Variants in QTMAN observed in about 807,000 individuals in gnomAD.
QTMAN encodes tRNA-queuosine alpha-mannosyltransferase.
chr2:144,115,830 A>G, the QTMAN span, among the ~76,000 whole-genome samples: 1 of 152,208 alleles, frequency 6.6e-6, no homozygotes, highest in African/African-American at 2.4e-5. Flanking sequence ...AAAGTTGAGC[A>G]AAAGTTTAAT....
the QTMAN span, among the ~76,000 whole-genome samples, chr2:144,079,572 A>G: frequency 6.6e-6 from 1 of 152,042 alleles, no homozygotes; most frequent in South Asian, 2.1e-4. Context: ...TTATAATGAG[A>G]ATGTTTACAC....
the QTMAN span, among the ~76,000 whole-genome samples, chr2:143,987,859 T>C: frequency 7.2e-5 from 11 of 152,330 alleles, no homozygotes; most frequent in East Asian, 2.1e-3. Context: ...TTCTCAACAC[T>C]CTTCCTAACC....
the QTMAN span, among the ~76,000 whole-genome samples, chr2:144,068,549 T>C: frequency 6.6e-6 from 1 of 152,248 alleles, no homozygotes; most frequent in African/African-American, 2.4e-5. Flanking sequence ...GTAGTCCAAT[T>C]AATATGCAAA....
the QTMAN span, among the ~76,000 whole-genome samples, chr2:144,259,002 T>C: frequency 3.9e-5 from 6 of 152,204 alleles, no homozygotes; most frequent in East Asian, 1.9e-4. Context: ...TTAGGGAGAA[T>C]TGTTCCTACA....
At chr2:144,203,570 C>T in the QTMAN span, among the ~76,000 whole-genome samples, 1 of 152,104 alleles carries the variant, frequency 6.6e-6, no homozygotes, top group South Asian at 2.1e-4. Flanking sequence ...GATACAAAGA[C>T]CTCAAAAGAG....
At chr2:144,079,790 A>C in the QTMAN span, among the ~76,000 whole-genome samples, 5 of 152,168 alleles carry the variant, frequency 3.3e-5, no homozygotes, top group Non-Finnish European at 7.4e-5. Context: ...ACTATGGTCA[A>C]GATAATTGCA....
the QTMAN span, among the ~76,000 whole-genome samples, chr2:144,306,187 T>G: frequency 6.6e-6 from 1 of 152,354 alleles, no homozygotes; most frequent in African/African-American, 2.4e-5. Flanking sequence ...ATTTCCTTTT[T>G]ATTCTTAGAG....
chr2:144,214,354 T>C, the QTMAN span, among the ~76,000 whole-genome samples: 1 of 152,194 alleles, frequency 6.6e-6, no homozygotes, highest in Admixed American at 6.5e-5. Context: ...TATAATCTGG[T>C]ATCAAATGCA....
the QTMAN span, among the ~76,000 whole-genome samples, chr2:144,138,113 A>C: frequency 9.7e-4 from 147 of 152,140 alleles, 1 homozygote; most frequent in Non-Finnish European, 1.5e-3. Context: ...ATGATGAGGA[A>C]CCCAGCAAAG....
the QTMAN span, among the ~76,000 whole-genome samples, chr2:144,217,362 A>C: frequency 1.3e-5 from 2 of 148,606 alleles, no homozygotes; most frequent in Admixed American, 6.6e-5. Context: ...AATATAAGTT[A>C]AAAAAAACCC....
At chr2:144,172,868 T>C in the QTMAN span, among the ~76,000 whole-genome samples, 5 of 152,076 alleles carry the variant, frequency 3.3e-5, no homozygotes, top group South Asian at 6.2e-4. Context: ...ACAGAATTAA[T>C]GAAGGTAGTG....
At chr2:144,328,592 A>G in the QTMAN span, among the ~76,000 whole-genome samples, 350 of 152,274 alleles carry the variant, frequency 2.3e-3, 3 homozygotes, top group Non-Finnish European at 1.7e-3. Flanking sequence ...TGTAGGTGAC[A>G]GAGGTCTTAA....
At chr2:144,255,449 T>C in the QTMAN span, among the ~76,000 whole-genome samples, 1 of 152,214 alleles carries the variant, frequency 6.6e-6, no homozygotes. Context: ...ATGGTTGTTT[T>C]CCTGACGCCT....
At chr2:144,002,436 T>C in the QTMAN span, among the ~76,000 whole-genome samples, 7,978 of 152,004 alleles carry the variant, frequency 0.052, 342 homozygotes, top group African/African-American at 0.12. Flanking sequence ...ATGAACCATG[T>C]GAACTTGTCA....
At chr2:144,108,697 A>G in the QTMAN span, among the ~76,000 whole-genome samples, 1 of 147,308 alleles carries the variant, frequency 6.8e-6, no homozygotes, top group Non-Finnish European at 1.5e-5. Flanking sequence ...TTAAGCTGAT[A>G]AGCAACTTCA....
At chr2:143,948,938 A>T in the QTMAN span, among the ~76,000 whole-genome samples, 1 of 152,218 alleles carries the variant, frequency 6.6e-6, no homozygotes, top group African/African-American at 2.4e-5. Context: ...GAAAAAGTAC[A>T]TGTCTCGACA....
At chr2:144,036,330 T>C in the QTMAN span, among the ~76,000 whole-genome samples, 2 of 152,228 alleles carry the variant, frequency 1.3e-5, no homozygotes, top group South Asian at 2.1e-4. Flanking sequence ...TTATTACATA[T>C]GTAGAGATGC....
At chr2:144,087,904 A>G in the QTMAN span, among the ~76,000 whole-genome samples, 2 of 152,016 alleles carry the variant, frequency 1.3e-5, no homozygotes, top group Non-Finnish European at 2.9e-5. Context: ...AGACAAGGAC[A>G]CCCAATTTCT....
the QTMAN span, among the ~76,000 whole-genome samples, chr2:144,239,541 A>G: frequency 6.6e-6 from 1 of 152,158 alleles, no homozygotes; most frequent in South Asian, 2.1e-4. Flanking sequence ...TCCCTGCTAA[A>G]GCTACAATCT....
Sources: gnomAD v4.1 joint callset for allele counts (sites outside exome capture counted in the v4.1 genomes callset) on GRCh38, gnomAD v4.1.1 for gene constraint, MANE v1.5 for transcripts, NCBI Gene and HGNC (gene_info 2026-07-23, HGNC 2026-07-21) for gene names.